Variants in CARMIL1 observed in about 807,000 individuals in gnomAD.
The protein encoded by CARMIL1 is capping protein regulator and myosin 1 linker 1, also known as F-actin-uncapping protein LRRC16A.
In CARMIL1, 90 loss-of-function variants were observed where a neutral mutation model predicts 177.1. The observed-to-expected ratio is 0.51, with a 90% CI of 0.43 to 0.61. The LOEUF is 0.61. Among genes scored for constraint, CARMIL1 ranks in the 20% least tolerant of loss-of-function variants. CARMIL1 has a pLI of 0.00. For synonymous variants in CARMIL1, 577 were observed against 606.2 expected, an observed-to-expected ratio of 0.95 and a Z score of 0.71; for missense variants, 1,380 against 1,667.0, an observed-to-expected ratio of 0.83 and a Z score of 3.00.
At chr6:25,341,998 T>C (rs1249947057) in intron 2 of CARMIL1, among the ~76,000 whole-genome samples, 1 of 152,214 alleles carries the variant, frequency 6.6e-6, no homozygotes, top group African/African-American at 2.4e-5. Context: ...AGTTGATATC[T>C]TTAAATATTC....
At chr6:25,604,438 G>A (rs1582501971) in intron 33 of CARMIL1, among the ~76,000 whole-genome samples, 1 of 152,238 alleles carries the variant, frequency 6.6e-6, no homozygotes, top group African/African-American at 2.4e-5. Context: ...TTTCTAGCAT[G>A]CAAGGGCCCT....
chr6:25,579,252 G>T (rs1321656378), intron 29 of CARMIL1, among the ~76,000 whole-genome samples: 4 of 77,130 alleles, frequency 5.2e-5, no homozygotes, highest in Non-Finnish European at 7.5e-5. Flanking sequence ...ATATAATCAA[G>T]AGTCAGGAAA....
chr6:25,460,566 C>G (rs748190029), intron 8 of CARMIL1, among the ~76,000 whole-genome samples: 3 of 152,154 alleles, frequency 2.0e-5, no homozygotes, highest in Admixed American at 1.3e-4. Context: ...TGCTGAAGTA[C>G]TTCCTAGGCA....
At chr6:25,466,024 C>A in intron 9 of CARMIL1, 76 bp downstream of exon 9, 3 of 1,068,438 alleles carry the variant, frequency 2.8e-6, no homozygotes, top group Non-Finnish European at 2.9e-6. Flanking sequence ...GGGAAAAAAA[C>A]AATTTTTTTA....
At chr6:25,527,554 T>C (rs1302631262) in intron 23 of CARMIL1, 1 of 326,210 alleles carries the variant, frequency 3.1e-6, no homozygotes, top group Non-Finnish European at 6.0e-6. Flanking sequence ...AAGAATCTTT[T>C]CAGCAAAATA....
chr6:25,559,896 C>A (rs1029794127), intron 29 of CARMIL1, among the ~76,000 whole-genome samples: 5 of 152,150 alleles, frequency 3.3e-5, no homozygotes, highest in Non-Finnish European at 7.3e-5. Context: ...ATGTCAATTC[C>A]ATTTCAGTGC....
chr6:25,482,200 T>TA, intron 11 of CARMIL1, 57 bp from the exon 12 acceptor site: 1 of 832,288 alleles, frequency 1.2e-6, no homozygotes, highest in African/African-American at 1.7e-5. Context: ...TCATCCATTG[T>TA]AAAAAATGCA....
intron 2 of CARMIL1, among the ~76,000 whole-genome samples, chr6:25,401,340 A>G (rs1039980349): frequency 1.3e-5 from 2 of 152,192 alleles, no homozygotes; most frequent in Non-Finnish European, 1.5e-5. Flanking sequence ...GTGTGTGTTT[A>G]TAGATACACA....
intron 2 of CARMIL1, among the ~76,000 whole-genome samples, chr6:25,352,463 C>A (rs1374419757): frequency 3.3e-5 from 5 of 151,942 alleles, no homozygotes; most frequent in African/African-American, 1.2e-4. Context: ...ACTAGAGAAA[C>A]CTTGACAGGA....
intron 2 of CARMIL1, among the ~76,000 whole-genome samples, chr6:25,297,813 G>A (rs921189416): frequency 6.6e-6 from 1 of 152,170 alleles, no homozygotes; most frequent in Non-Finnish European, 1.5e-5. Flanking sequence ...TGTTCTCTGG[G>A]AGTAGCCAAC....
rs373322804 is a variant in CARMIL1 at position 25,491,963 on chromosome 6, C to T, written c.1159C>T (p.Leu387Phe). 6.2e-7 allele frequency: 1 copy of T among 1,613,498 alleles called. No homozygotes were observed. Among genetic ancestry groups the T allele is most frequent in the Non-Finnish European group, 8.5e-7 (1 of 1,179,722 alleles). Residue 387 changes from leucine (L) to phenylalanine (F), a missense_variant, in exon 15 of 37, where the codon CTC (leucine) becomes TTC (phenylalanine). Physicochemically the swap from Leu to Phe is conservative, Grantham distance 22. Coordinates refer to ENST00000329474, the MANE Select transcript of CARMIL1 (RefSeq NM_017640.6). Reference protein sequence around the residue: ...CSLDMVCGALLRGCLQYLAVL... With the variant: ...CSLDMVCGALFRGCLQYLAVL... ...TCTTTTTCAGGTCTGTGGAGCTCTT[C>T]TCCGTGGATGCCTTCAATATTTAGC...
intron 2 of CARMIL1, among the ~76,000 whole-genome samples, chr6:25,347,583 G>T (rs984090283): frequency 7.2e-5 from 11 of 152,128 alleles, no homozygotes; most frequent in African/African-American, 2.2e-4. Flanking sequence ...GTGGGGTATG[G>T]TTCTTTGAAT....
intron 24 of CARMIL1, among the ~76,000 whole-genome samples, chr6:25,536,167 CTCTTGAAA>C (rs1808284361): frequency 6.6e-6 from 1 of 152,084 alleles, no homozygotes; most frequent in Admixed American, 6.5e-5. Flanking sequence ...TGTGGTTTGT[CTCTTGAAA>C]TTAGGCATTC....
chr6:25,357,512 A>G (rs1166627354), intron 2 of CARMIL1, among the ~76,000 whole-genome samples: 1 of 152,226 alleles, frequency 6.6e-6, no homozygotes, highest in South Asian at 2.1e-4. Flanking sequence ...TGAACCTGGG[A>G]AGCAGAGGTT....
intron 8 of CARMIL1, among the ~76,000 whole-genome samples, chr6:25,460,702 C>G (rs1228381689): frequency 6.6e-6 from 1 of 152,190 alleles, no homozygotes; most frequent in Non-Finnish European, 1.5e-5. Flanking sequence ...ACTTCTGTTT[C>G]TATTTCATAT....
chr6:25,503,053 G>A (rs1804565046), intron 17 of CARMIL1, among the ~76,000 whole-genome samples: 3 of 152,170 alleles, frequency 2.0e-5, no homozygotes, highest in Admixed American at 6.5e-5. Flanking sequence ...TGGCAGTTTC[G>A]TAAAGTTCAA....
Position 25,540,549 on chromosome 6 carries a change from G to A in CARMIL1, c.2328+471G>A, listed in dbSNP as rs80003708. ...TAAATGTAATTACAAGGCACCCAAG[G>A]TTGCAGAGACCTGCCTATAGATTCA... On this transcript the variant is annotated intron_variant, in intron 26 of 36. Transcript: ENST00000329474. Among the ~76,000 whole-genome samples, 12 of 152,140 alleles carry A rather than the reference G, an allele frequency of 7.9e-5. 1 individual carries two copies. The East Asian group carries it at 2.3e-3, about 29-fold the overall frequency.
intron 32 of CARMIL1, among the ~76,000 whole-genome samples, chr6:25,597,376 T>C (rs1814955616): frequency 6.6e-6 from 1 of 152,174 alleles, no homozygotes; most frequent in South Asian, 2.1e-4. Context: ...TAGTGTTTGC[T>C]TCATCCTAAC....
intron 29 of CARMIL1, among the ~76,000 whole-genome samples, chr6:25,569,159 A>G (rs1408412490): frequency 6.6e-6 from 1 of 152,244 alleles, no homozygotes; most frequent in Non-Finnish European, 1.5e-5. Flanking sequence ...GAAGTTATGG[A>G]AAAATAACTA....
Sources: allele counts gnomAD v4.1 joint callset (sites outside exome capture counted in the v4.1 genomes callset), GRCh38; gene constraint gnomAD v4.1.1; transcripts MANE v1.5; gene names NCBI Gene and HGNC (gene_info 2026-07-23, HGNC 2026-07-21).